Variants in FARP1 observed in about 807,000 individuals in gnomAD.
FARP1 encodes the protein FERM, ARHGEF and pleckstrin domain-containing protein 1.
In FARP1, 52 loss-of-function variants were observed where a neutral mutation model predicts 128.8. The observed-to-expected ratio is 0.40, with a 90% CI of 0.32 to 0.51. The LOEUF is 0.51. FARP1 is among the 20% of genes least tolerant of loss of function. FARP1 has a pLI of 0.45. For synonymous variants in FARP1, 580 were observed against 551.8 expected (o/e 1.05, Z -0.72); for missense variants, 1,333 against 1,367.9 (o/e 0.97, Z 0.40).
rs117122288 is a variant in FARP1, at chr13:98,230,954, A to G, written c.171+17541A>G. ...AAGGAGGAGCAAAGGCACATCTTAC[A>G]TGGCGGCAGACAAGAGAAAGTGTAC... On this transcript the variant is annotated intron_variant, in intron 2 of 26. Transcript: ENST00000319562. Among the ~76,000 whole-genome samples, 245 of 152,338 alleles carry G rather than the reference A, an allele frequency of 1.6e-3. 6 individuals are homozygous for G. In the East Asian group the frequency reaches 0.041, roughly 25 times the overall value.
At position 98,244,557 on chromosome 13, in the gene FARP1, T is replaced by A. The variant is rs375563723; in HGVS notation, c.171+31144T>A. 4 of 1,614,074 alleles carry A rather than the reference T, an allele frequency of 2.5e-6. No individual in the cohort carries two copies. The African/African-American group carries it at 5.3e-5, about 22-fold the overall frequency. On this transcript the variant is annotated intron_variant, in intron 2 of 26. Coordinates refer to ENST00000319562, the MANE Select transcript of FARP1 (RefSeq NM_005766.4). ...CTGGACGGGTTGGGTACTGAGATGC[T>A]CCATGAAGCCCAAGCACCATTCACA...
chr13:98,253,555 G>A (rs9517230), intron 2 of FARP1, among the ~76,000 whole-genome samples: 95,211 of 152,042 alleles, frequency 0.63, 31,138 homozygotes, highest in East Asian at 0.89. Flanking sequence ...GAGGATGATG[G>A]TCTCCACCTC....
intron 1 of FARP1, among the ~76,000 whole-genome samples, chr13:98,203,342 A>G (rs537319573): frequency 6.6e-6 from 1 of 152,342 alleles, no homozygotes. Flanking sequence ...ACCACGGTCC[A>G]GTTTCAGAAC....
At chr13:98,374,001 G>A (rs779476112) in intron 5 of FARP1, among the ~76,000 whole-genome samples, 7 of 152,116 alleles carry the variant, frequency 4.6e-5, no homozygotes, top group Admixed American at 6.5e-5. Context: ...CCCATTGCCC[G>A]TCACATTAGT....
chr13:98,380,907 A>G, intron 6 of FARP1, among the ~76,000 whole-genome samples: 1 of 152,260 alleles, frequency 6.6e-6, no homozygotes, highest in Non-Finnish European at 1.5e-5. Flanking sequence ...TTTGTCAATT[A>G]AAAAAGTAAA....
chr13:98,147,546 T>C (rs1362444603), intron 1 of FARP1, among the ~76,000 whole-genome samples: 1 of 152,096 alleles, frequency 6.6e-6, no homozygotes, highest in African/African-American at 2.4e-5. Flanking sequence ...GACGAAATGC[T>C]TTGCATAAAT....
intron 1 of FARP1, among the ~76,000 whole-genome samples, chr13:98,143,989 G>C (rs1169955769): frequency 6.6e-6 from 1 of 152,152 alleles, no homozygotes; most frequent in Non-Finnish European, 1.5e-5. Context: ...TTCCCGGCGG[G>C]TGACAAAGAG....
At chr13:98,416,040 C>T (rs1190063687) in intron 16 of FARP1, among the ~76,000 whole-genome samples, 1 of 152,226 alleles carries the variant, frequency 6.6e-6, no homozygotes, top group African/African-American at 2.4e-5. Flanking sequence ...GGAAGCTGAT[C>T]ATTTTTTAAA....
chr13:98,237,745 TGCTTGATATGTA>T (rs1204243034), intron 2 of FARP1, among the ~76,000 whole-genome samples: 1 of 152,222 alleles, frequency 6.6e-6, no homozygotes, highest in African/African-American at 2.4e-5. Flanking sequence ...AAAGTTGAAT[TGCTTGATATGTA>T]GCATAGATTG....
At chr13:98,419,483 T>TAC (rs57751374) in intron 16 of FARP1, among the ~76,000 whole-genome samples, 31,821 of 139,840 alleles carry the variant, frequency 0.23, 3,771 homozygotes, top group East Asian at 0.41. Flanking sequence ...CAAAAAAAAA[T>TAC]ACACACACAC....
intron 2 of FARP1, among the ~76,000 whole-genome samples, chr13:98,221,551 G>A (rs1196538914): frequency 2.0e-5 from 3 of 152,168 alleles, no homozygotes; most frequent in East Asian, 3.9e-4. Flanking sequence ...TGCCAAGCTC[G>A]TTTACTGCGT....
chr13:98,170,352 T>TTTTG (rs1261431860), intron 1 of FARP1, among the ~76,000 whole-genome samples: 1 of 149,948 alleles, frequency 6.7e-6, no homozygotes, highest in Non-Finnish European at 1.5e-5. Context: ...CCTGGCTAAT[T>TTTTG]TTTGTTTGTT....
intron 1 of FARP1, among the ~76,000 whole-genome samples, chr13:98,149,579 C>T (rs1272350928): frequency 6.6e-6 from 1 of 152,132 alleles, no homozygotes; most frequent in Non-Finnish European, 1.5e-5. Flanking sequence ...TCTTGATCAA[C>T]ACTTGAAACA....
chr13:98,203,204 A>G (rs1880060491), intron 1 of FARP1, among the ~76,000 whole-genome samples: 2 of 152,136 alleles, frequency 1.3e-5, no homozygotes, highest in South Asian at 4.1e-4. Flanking sequence ...CTTTGTGTTC[A>G]CAGGAATATT....
chr13:98,241,446 C>T (rs1281748516), intron 2 of FARP1, among the ~76,000 whole-genome samples: 1 of 152,152 alleles, frequency 6.6e-6, no homozygotes, highest in African/African-American at 2.4e-5. Flanking sequence ...TCTGCAGGGT[C>T]GTGTCCTGCA....
At position 98,219,592 on chromosome 13, in the gene FARP1, C is replaced by T. The variant is rs550503045; in HGVS notation, c.171+6179C>T. The stretch of plus-strand genomic sequence containing the variant: ...CAAGCAGTCCTCCCGTTTGGCCTCC[C>T]AAAGTATTGGGATGACGGGCATGAG... On this transcript the variant is annotated intron_variant, in intron 2 of 26. Transcript: ENST00000319562. Among the ~76,000 whole-genome samples, 6 of 152,256 alleles carry T rather than the reference C, an allele frequency of 3.9e-5. No individual in the cohort carries two copies. The East Asian group carries it at 1.2e-3, about 29-fold the overall frequency.
At chr13:98,422,083 AAG>A (rs1393273803) in intron 16 of FARP1, among the ~76,000 whole-genome samples, 1 of 152,154 alleles carries the variant, frequency 6.6e-6, no homozygotes, top group African/African-American at 2.4e-5. Flanking sequence ...AGAGGGTGAA[AAG>A]AGAGGACAAC....
At chr13:98,253,712 A>G (rs1883459905) in intron 2 of FARP1, among the ~76,000 whole-genome samples, 1 of 152,292 alleles carries the variant, frequency 6.6e-6, no homozygotes, top group South Asian at 2.1e-4. Context: ...TCCAGCCCAG[A>G]TGTTTCCAGC....
chr13:98,339,957 A>C (rs1887897759), intron 2 of FARP1, among the ~76,000 whole-genome samples: 1 of 152,184 alleles, frequency 6.6e-6, no homozygotes, highest in African/African-American at 2.4e-5. Flanking sequence ...TATGCACTCC[A>C]TACATTCACA....
Sources: gnomAD v4.1 joint callset for allele counts (sites outside exome capture counted in the v4.1 genomes callset) on GRCh38, gnomAD v4.1.1 for gene constraint, MANE v1.5 for transcripts, NCBI Gene and HGNC (gene_info 2026-07-23, HGNC 2026-07-21) for gene names.